The following CACNB2 variants were observed in gnomAD, a reference collection of about 807,000 sequenced individuals.
CACNB2 encodes the protein voltage-dependent L-type calcium channel subunit beta-2.
A neutral mutation model predicts 73.3 loss-of-function variants in CACNB2; 42 were observed. The ratio of observed to expected loss-of-function variants is 0.57; its 90% CI spans 0.45 to 0.74. The LOEUF (loss-of-function observed/expected upper bound fraction) is 0.74. Among genes scored for constraint, CACNB2 ranks in the 30% least tolerant of loss-of-function variants. CACNB2 has a pLI of 0.00. For missense variants in CACNB2, 940 were observed against 853.0 expected, an observed-to-expected ratio of 1.10 and a Z score of -1.27; for synonymous variants, 348 against 310.3, an observed-to-expected ratio of 1.12 and a Z score of -1.28.
intron 2 of CACNB2, among the ~76,000 whole-genome samples, chr10:18,254,637 T>C (rs1298681915): frequency 6.6e-6 from 1 of 152,214 alleles, no homozygotes; most frequent in African/African-American, 2.4e-5. Flanking sequence ...GGTTTTCAGT[T>C]CTGTAGAAGC....
Position 18,220,232 on chromosome 10 carries a change from T to TAGAGAGAGAG in CACNB2, c.213+69291_213+69300dup, listed in dbSNP as rs1169176468. Reference sequence around the variant, plus strand: ...ATATATATATATATATATATATATATAGAGAGAGAGAGAGAGAGAGAGAGA... The same window carrying TAGAGAGAGAG: ...ATATATATATATATATATATATATATAGAGAGAGAGAGAGAGAGAGAGAGAGAGAGAGAGA... On this transcript the variant is annotated intron_variant, in intron 2 of 13. Coordinates refer to ENST00000324631, the MANE Select transcript of CACNB2 (RefSeq NM_201596.3). 1.3e-3 allele frequency among the ~76,000 whole-genome samples: 33 copies of TAGAGAGAGAG among 25,082 alleles called. 1 individual carries two copies. The highest frequency in any genetic ancestry group is 3.7e-3 in the South Asian group (2 of 540). The allele number at this position is 25,082 out of a possible 152,430, so 16.5% of individuals were successfully genotyped here. A position where few individuals can be genotyped will look rare whatever the true frequency, so the allele number is the denominator to read the frequency against.
At chr10:18,431,025 T>C (rs1192930422) in intron 3 of CACNB2, among the ~76,000 whole-genome samples, 5 of 152,234 alleles carry the variant, frequency 3.3e-5, no homozygotes, top group Admixed American at 6.5e-5. Context: ...TCACCCAGGT[T>C]GGAGTGCAGT....
chr10:18,539,008 C>T (rs2053882377), intron 13 of CACNB2, among the ~76,000 whole-genome samples: 1 of 151,188 alleles, frequency 6.6e-6, no homozygotes, highest in South Asian at 2.1e-4. Flanking sequence ...GAAAAAGTTA[C>T]CATGGGCACT....
At position 18,483,004 on chromosome 10, in the gene CACNB2, C is replaced by A. The variant is rs1447798100; in HGVS notation, c.334-15351C>A. 2.0e-5 allele frequency among the ~76,000 whole-genome samples: 3 copies of A among 152,098 alleles called. No homozygotes were observed. In the East Asian group the frequency reaches 5.8e-4, roughly 29 times the overall value. ...CGTGTCTGCTCTTTGGACCTTGTTTCGGCCCCTTCAAACAGAGCAACAATT... is the reference window on the plus strand; with the variant it reads ...CGTGTCTGCTCTTTGGACCTTGTTTAGGCCCCTTCAAACAGAGCAACAATT... On this transcript the variant is annotated intron_variant, in intron 3 of 13. Transcript: ENST00000324631.
intron 2 of CACNB2, among the ~76,000 whole-genome samples, chr10:18,221,811 CT>C (rs1564355499): frequency 6.6e-6 from 1 of 152,130 alleles, no homozygotes; most frequent in African/African-American, 2.4e-5. Flanking sequence ...GTATAGTTTT[CT>C]TTTTATCCAT....
intron 2 of CACNB2, among the ~76,000 whole-genome samples, chr10:18,389,254 A>G (rs565601938): frequency 1.3e-5 from 2 of 152,284 alleles, no homozygotes; most frequent in South Asian, 4.1e-4. Context: ...CTCCTGCCTC[A>G]GCTTCCCAAG....
At chr10:18,373,206 G>C (rs1482855547) in intron 2 of CACNB2, among the ~76,000 whole-genome samples, 1 of 152,116 alleles carries the variant, frequency 6.6e-6, no homozygotes, top group Non-Finnish European at 1.5e-5. Context: ...CCTATTATCT[G>C]TGTTAGAGGC....
intron 2 of CACNB2, among the ~76,000 whole-genome samples, chr10:18,262,481 A>T (rs1403091976): frequency 6.6e-6 from 1 of 152,218 alleles, no homozygotes; most frequent in Admixed American, 6.5e-5. Flanking sequence ...TTGACATATC[A>T]GAAATCAATG....
At chr10:18,214,478 T>A (rs11013034) in intron 2 of CACNB2, among the ~76,000 whole-genome samples, 11,942 of 70,650 alleles carry the variant, frequency 0.17, 4,110 homozygotes, top group African/African-American at 0.35. Flanking sequence ...ATATAAAAAA[T>A]TAGCCGAGTG....
chr10:18,309,871 T>C (rs1564424842), intron 2 of CACNB2, among the ~76,000 whole-genome samples: 1 of 152,154 alleles, frequency 6.6e-6, no homozygotes, highest in Non-Finnish European at 1.5e-5. Context: ...CTGCACATAA[T>C]AAAAAGACTA....
rs1165921150 is a variant in CACNB2 at position 18,220,110 on chromosome 10, AATATATATATATATATATATATATATAT to A, written c.213+69153_213+69180del. Among the ~76,000 whole-genome samples, 39 of 32,760 alleles carry A rather than the reference AATATATATATATATATATATATATATAT, an allele frequency of 1.2e-3. 5 individuals are homozygous for A. Among genetic ancestry groups the A allele is most frequent in the African/African-American group, 2.4e-3 (17 of 7,184 alleles). 21.5% of individuals were successfully genotyped at this position (32,760 alleles called of 152,430 possible). On this transcript the variant is annotated intron_variant, in intron 2 of 13. Coordinates refer to ENST00000324631, the MANE Select transcript of CACNB2 (RefSeq NM_201596.3). ...TCCTCTTCTCCTTTTTTTATTTTTT[AATATATATATATATATATATATATATAT>A]ATATATATATATATATACACACACA... is the stretch of plus-strand genomic sequence containing the variant.
chr10:18,483,067 G>A (rs1400626551), intron 3 of CACNB2, among the ~76,000 whole-genome samples: 1 of 152,140 alleles, frequency 6.6e-6, no homozygotes, highest in Non-Finnish European at 1.5e-5. Flanking sequence ...TCTCAACACT[G>A]AAGCAAGGGC....
intron 3 of CACNB2, among the ~76,000 whole-genome samples, chr10:18,428,314 C>G (rs919186595): frequency 3.3e-5 from 5 of 152,124 alleles, no homozygotes; most frequent in African/African-American, 1.2e-4. Flanking sequence ...CACTTAGTTT[C>G]CACTACAATC....
intron 2 of CACNB2, chr10:18,257,241 A>G (rs1588863980): frequency 6.6e-6 from 1 of 152,338 alleles, no homozygotes; most frequent in East Asian, 1.9e-4. Context: ...ATTGACCAGA[A>G]TCTAGTCCCG....
intron 2 of CACNB2, among the ~76,000 whole-genome samples, chr10:18,354,824 A>C (rs1465859474): frequency 6.6e-6 from 1 of 152,170 alleles, no homozygotes; most frequent in Non-Finnish European, 1.5e-5. Context: ...CCTAAAGCAC[A>C]ACCATAAAAC....
chr10:18,258,499 G>A (rs965632408), intron 2 of CACNB2, among the ~76,000 whole-genome samples: 1 of 152,038 alleles, frequency 6.6e-6, no homozygotes, highest in Non-Finnish European at 1.5e-5. Context: ...AGGCCGAGGC[G>A]GGCGGATCAC....
chr10:18,290,829 T>TA (rs2039034968), intron 2 of CACNB2, among the ~76,000 whole-genome samples: 1 of 152,192 alleles, frequency 6.6e-6, no homozygotes, highest in Admixed American at 6.5e-5. Flanking sequence ...TCACTACTGA[T>TA]AGTAGCAAAA....
intron 10 of CACNB2, 110 bp from the exon 11 acceptor site, chr10:18,533,966 A>C: frequency 1.1e-6 from 1 of 949,902 alleles, no homozygotes. Context: ...ATTGCCTGTA[A>C]GCATTAACAT....
rs780875881 is a variant in CACNB2, at chr10:18,518,320, TCTC to T, written c.805-12_805-10del. On this transcript the variant is annotated splice_polypyrimidine_tract_variant and intron_variant, in intron 7 of 13. Coordinates refer to ENST00000324631, the MANE Select transcript of CACNB2 (RefSeq NM_201596.3). The stretch of plus-strand genomic sequence containing the variant: ...CCTGCCTGTGAAACGTCTAAAAGCC[TCTC>T]CTCTCTCTGCAGACAGAGCACACTC... The T allele has an allele frequency of 1.3e-6, 2 of 1,590,398 alleles. No homozygotes were observed. Among genetic ancestry groups the T allele is most frequent in the Non-Finnish European group, 1.7e-6 (2 of 1,158,444 alleles).
Sources: gnomAD v4.1 joint callset for allele counts (sites outside exome capture counted in the v4.1 genomes callset) on GRCh38, gnomAD v4.1.1 for gene constraint, MANE v1.5 for transcripts, NCBI Gene and HGNC (gene_info 2026-07-23, HGNC 2026-07-21) for gene names.